The following PCDH9 variants were observed in gnomAD, a reference collection of about 807,000 sequenced individuals.
PCDH9 encodes protocadherin-9.
A neutral mutation model predicts 70.6 loss-of-function variants in PCDH9; 24 were observed. That is an observed-to-expected ratio of 0.34 (90% CI 0.25 to 0.48). PCDH9 has a LOEUF of 0.48. Among genes scored for constraint, PCDH9 ranks in the 20% least tolerant of loss-of-function variants. The pLI is 0.99. For missense variants in PCDH9, 1,281 were observed against 1,503.6 expected, an observed-to-expected ratio of 0.85 and a Z score of 2.45; for synonymous variants, 562 against 558.5, an observed-to-expected ratio of 1.01 and a Z score of -0.09.
At chr13:66,780,776 A>C (rs932515329) in intron 3 of PCDH9, among the ~76,000 whole-genome samples, 3 of 152,164 alleles carry the variant, frequency 2.0e-5, no homozygotes, top group African/African-American at 7.2e-5. Context: ...TAGGAAAGGA[A>C]ATTGTTTTTA....
intron 4 of PCDH9, among the ~76,000 whole-genome samples, chr13:66,311,428 CT>C (rs1042813654): frequency 4.6e-5 from 7 of 150,734 alleles, no homozygotes; most frequent in African/African-American, 1.7e-4. Context: ...ACCAGCATAA[CT>C]TTTTTTGTGG....
At chr13:67,180,922 C>A (rs1203832316) in intron 2 of PCDH9, among the ~76,000 whole-genome samples, 4 of 151,948 alleles carry the variant, frequency 2.6e-5, no homozygotes, top group Admixed American at 6.6e-5. Context: ...GTATTGTTAC[C>A]TTTTAGCACC....
chr13:66,315,363 G>A (rs1273123447), intron 4 of PCDH9, among the ~76,000 whole-genome samples: 1 of 152,174 alleles, frequency 6.6e-6, no homozygotes, highest in Non-Finnish European at 1.5e-5. Flanking sequence ...GTTGCTATAA[G>A]TCTCTAAATT....
intron 2 of PCDH9, among the ~76,000 whole-genome samples, chr13:67,042,399 G>A (rs892588831): frequency 2.0e-5 from 3 of 152,126 alleles, no homozygotes; most frequent in Non-Finnish European, 4.4e-5. Flanking sequence ...AAGGAGAAGT[G>A]CCGAGCAAAG....
intron 2 of PCDH9, among the ~76,000 whole-genome samples, chr13:67,054,379 T>G (rs2085379136): frequency 6.6e-6 from 1 of 152,212 alleles, no homozygotes; most frequent in Non-Finnish European, 1.5e-5. Flanking sequence ...TATTTTATCT[T>G]GGAATGTGTG....
At position 66,835,662 on chromosome 13, in the gene PCDH9, A is replaced by AT. The variant is rs902484533; in HGVS notation, c.3138+67841dup. Among the ~76,000 whole-genome samples, 48 of 151,676 alleles carry AT rather than the reference A, an allele frequency of 3.2e-4. No individual in the cohort carries two copies. In the South Asian group the frequency reaches 3.8e-3, roughly 12 times the overall value. On this transcript the variant is annotated intron_variant, in intron 3 of 4. Coordinates refer to ENST00000377865, the MANE Select transcript of PCDH9 (RefSeq NM_203487.3). ...CTGTCCTCCTGCTAACCACCCAACA[A>AT]TTTTTTTTTATGCTAGAATGTCTAT... is the stretch of plus-strand genomic sequence containing the variant.
At chr13:66,647,391 G>A (rs988707446) in intron 3 of PCDH9, among the ~76,000 whole-genome samples, 31 of 152,052 alleles carry the variant, frequency 2.0e-4, no homozygotes, top group African/African-American at 6.5e-4. Flanking sequence ...GCAGAGTCTT[G>A]AGGCCCCCAA....
In PCDH9 at chr13:66,498,183, G is replaced by T. The variant is rs188473024; in HGVS notation, c.3340+133027C>A. Among the ~76,000 whole-genome samples the T allele has an allele frequency of 2.5e-3, 342 of 137,324 alleles. 2 individuals are homozygous for T. The highest frequency in any genetic ancestry group is 9.0e-3 in the African/African-American group (329 of 36,402). 90.1% of individuals were successfully genotyped at this position (137,324 alleles called of 152,430 possible). A position where few individuals can be genotyped will look rare whatever the true frequency, so the allele number is the denominator to read the frequency against. ...TTTTGAGACCAAGTCTCGCTCTGTC[G>T]CCCAGGCTGGAGTGCAGTGGCGCGA... On this transcript the variant is annotated intron_variant, in intron 4 of 4. Transcript: ENST00000377865.
chr13:66,549,715 A>G (rs1961393674), intron 4 of PCDH9, among the ~76,000 whole-genome samples: 1 of 152,014 alleles, frequency 6.6e-6, no homozygotes, highest in Non-Finnish European at 1.5e-5. Flanking sequence ...TGTTGGTTAT[A>G]TGGTAGTAAT....
At chr13:67,154,705 CTT>C (rs869190537) in intron 2 of PCDH9, among the ~76,000 whole-genome samples, 15 of 85,272 alleles carry the variant, frequency 1.8e-4, no homozygotes, top group African/African-American at 3.4e-4. Flanking sequence ...GATCTGTAAT[CTT>C]TTTTTTTTTT....
intron 3 of PCDH9, among the ~76,000 whole-genome samples, chr13:66,759,464 AT>A (rs1161393548): frequency 6.6e-6 from 1 of 152,106 alleles, no homozygotes; most frequent in Non-Finnish European, 1.5e-5. Flanking sequence ...TGATTAAATA[AT>A]TTAATCTATT....
At chr13:66,391,530 A>T (rs573888394) in intron 4 of PCDH9, among the ~76,000 whole-genome samples, 36 of 152,208 alleles carry the variant, frequency 2.4e-4, no homozygotes, top group South Asian at 4.1e-4. Context: ...AATGAATTTT[A>T]AAAAAGTACA....
At chr13:66,722,783 C>T (rs944597489) in intron 3 of PCDH9, among the ~76,000 whole-genome samples, 14 of 152,022 alleles carry the variant, frequency 9.2e-5, no homozygotes, top group South Asian at 4.2e-4. Context: ...CCCTGGCCAA[C>T]ATGGTGAAAC....
chr13:66,567,029 T>C (rs777258724), intron 4 of PCDH9, among the ~76,000 whole-genome samples: 5 of 152,032 alleles, frequency 3.3e-5, no homozygotes, highest in Non-Finnish European at 5.9e-5. Context: ...AAGAATATAG[T>C]GAGGGGAAAG....
intron 4 of PCDH9, among the ~76,000 whole-genome samples, chr13:66,411,588 T>A (rs1352106379): frequency 6.6e-6 from 1 of 152,088 alleles, no homozygotes; most frequent in African/African-American, 2.4e-5. Context: ...CCTTAAGAAT[T>A]GTAATTTTGA....
At chr13:66,419,214 G>A (rs954605928) in intron 4 of PCDH9, among the ~76,000 whole-genome samples, 3 of 45,904 alleles carry the variant, frequency 6.5e-5, no homozygotes, top group Admixed American at 5.7e-4. Context: ...CCAGCATCAC[G>A]CTGATACCAA....
At chr13:67,008,028 TTA>T (rs922345116) in intron 2 of PCDH9, among the ~76,000 whole-genome samples, 198 of 152,188 alleles carry the variant, frequency 1.3e-3, no homozygotes, top group African/African-American at 4.5e-3. Flanking sequence ...AATATATTTA[TTA>T]TATATATACT....
intron 4 of PCDH9, among the ~76,000 whole-genome samples, chr13:66,307,988 G>A (rs923664356): frequency 6.6e-6 from 1 of 152,072 alleles, no homozygotes; most frequent in Admixed American, 6.6e-5. Flanking sequence ...CTGGCACTGT[G>A]ATAGGCACCA....
At position 66,396,623 on chromosome 13, in the gene PCDH9, T is replaced by C. The variant is rs189471511; in HGVS notation, c.3341-91595A>G. ...TAGACAAACAACTAAATATCTGTGA[T>C]TCTAGCGTCAGCTCTGTTGCAGTGG... is the stretch of plus-strand genomic sequence containing the variant. On this transcript the variant is annotated intron_variant, in intron 4 of 4. Transcript: ENST00000377865. Among the ~76,000 whole-genome samples the C allele has an allele frequency of 1.7e-3, 264 of 152,350 alleles. 1 individual carries two copies. The highest frequency in any genetic ancestry group is 6.1e-3 in the African/African-American group (255 of 41,584).
Sources: allele counts gnomAD v4.1 joint callset (sites outside exome capture counted in the v4.1 genomes callset), GRCh38; gene constraint gnomAD v4.1.1; transcripts MANE v1.5; gene names NCBI Gene and HGNC (gene_info 2026-07-23, HGNC 2026-07-21).